The following ABCB1 variants were observed in gnomAD, a reference collection of about 807,000 sequenced individuals.
The protein encoded by ABCB1 is ATP-dependent translocase ABCB1.
ABCB1 carries 69 observed loss-of-function variants against 142.0 expected under a neutral mutation model. The ratio of observed to expected loss-of-function variants is 0.49; its 90% CI spans 0.40 to 0.59. The LOEUF (loss-of-function observed/expected upper bound fraction) is 0.59. Among genes scored for constraint, ABCB1 ranks in the 20% least tolerant of loss-of-function variants. The probability of loss-of-function intolerance (pLI) is 0.00; values close to 1 mark genes in which losing one functional copy is unlikely to be tolerated. For missense variants in ABCB1, 1,326 were observed against 1,554.7 expected (o/e 0.85, Z 2.47); for synonymous variants, 532 against 539.2 (o/e 0.99, Z 0.18).
chr7:87,587,949 T>A (rs1584904584), intron 3 of ABCB1, among the ~76,000 whole-genome samples: 1 of 54,722 alleles, frequency 1.8e-5, no homozygotes, highest in South Asian at 1.6e-3. Flanking sequence ...ACAATGTGCT[T>A]AAAAAAGACT....
intron 23 of ABCB1, among the ~76,000 whole-genome samples, chr7:87,517,414 C>T (rs1228184862): frequency 6.6e-6 from 1 of 152,100 alleles, no homozygotes; most frequent in Non-Finnish European, 1.5e-5. Flanking sequence ...CCAGGATAGC[C>T]TGCTGGAGGA....
At chr7:87,674,627 G>A (rs987544386) in intron 1 of ABCB1, among the ~76,000 whole-genome samples, 1 of 152,058 alleles carries the variant, frequency 6.6e-6, no homozygotes, top group African/African-American at 2.4e-5. Context: ...TAAGCTGTGG[G>A]TGGGCTAGCA....
At chr7:87,667,956 T>G in intron 1 of ABCB1, among the ~76,000 whole-genome samples, 1 of 152,110 alleles carries the variant, frequency 6.6e-6, no homozygotes, top group East Asian at 1.9e-4. Flanking sequence ...CTTTTTTTGT[T>G]GTGTCTCTTC....
chr7:87,572,717 A>G (rs752553749), intron 4 of ABCB1, among the ~76,000 whole-genome samples: 1 of 152,230 alleles, frequency 6.6e-6, no homozygotes, highest in Non-Finnish European at 1.5e-5. Context: ...CTATGCAGCC[A>G]TAAAAAAGAA....
At chr7:87,702,229 A>G (rs1829149177) in intron 1 of ABCB1, among the ~76,000 whole-genome samples, 1 of 151,104 alleles carries the variant, frequency 6.6e-6, no homozygotes, top group South Asian at 2.1e-4. Flanking sequence ...TTTCATAAAA[A>G]TGTGTTATTT....
intron 1 of ABCB1, among the ~76,000 whole-genome samples, chr7:87,646,387 G>A (rs1432172557): frequency 2.6e-5 from 4 of 152,086 alleles, no homozygotes; most frequent in Non-Finnish European, 4.4e-5. Flanking sequence ...GTTAAAGGTG[G>A]AAATTGAGTT....
intron 1 of ABCB1, among the ~76,000 whole-genome samples, chr7:87,668,985 T>G (rs1264803368): frequency 6.6e-6 from 1 of 152,144 alleles, no homozygotes; most frequent in Non-Finnish European, 1.5e-5. Context: ...TAGAGGTGTA[T>G]CCGAGCCTTT....
intron 1 of ABCB1, among the ~76,000 whole-genome samples, chr7:87,705,657 C>T (rs1192116137): frequency 6.6e-6 from 1 of 152,136 alleles, no homozygotes; most frequent in South Asian, 2.1e-4. Flanking sequence ...ACATAAATTA[C>T]TTAGGTTTCA....
At chr7:87,563,617 C>G (rs918889537) in intron 7 of ABCB1, among the ~76,000 whole-genome samples, 1 of 152,140 alleles carries the variant, frequency 6.6e-6, no homozygotes, top group African/African-American at 2.4e-5. Context: ...ATGATCAAAA[C>G]TCTCAACAAA....
intron 1 of ABCB1, among the ~76,000 whole-genome samples, chr7:87,700,874 G>A (rs1016801249): frequency 1.3e-5 from 2 of 152,150 alleles, no homozygotes; most frequent in Non-Finnish European, 2.9e-5. Flanking sequence ...ACACAATGGT[G>A]GATAAAACTG....
At chr7:87,684,528 C>G (rs1022807306) in intron 1 of ABCB1, among the ~76,000 whole-genome samples, 1 of 151,884 alleles carries the variant, frequency 6.6e-6, no homozygotes, top group South Asian at 2.1e-4. Flanking sequence ...GCAGGCGGAT[C>G]ATGAGGTCAA....
chr7:87,693,877 G>A (rs1235423658), intron 1 of ABCB1: 2 of 1,596,702 alleles, frequency 1.3e-6, no homozygotes, highest in Non-Finnish European at 1.7e-6. Context: ...TTAAATATCT[G>A]TGTGTTGTTG....
intron 1 of ABCB1, among the ~76,000 whole-genome samples, chr7:87,649,977 G>A (rs1823415770): frequency 6.6e-6 from 1 of 152,138 alleles, no homozygotes. Context: ...AGAACAGTGA[G>A]TCAATTAAAT....
At chr7:87,651,058 A>G (rs1228008072) in intron 1 of ABCB1, 2 of 626,278 alleles carry the variant, frequency 3.2e-6, no homozygotes, top group African/African-American at 1.9e-5. Flanking sequence ...TGAAATGTCA[A>G]ATCTTTTGGC....
intron 1 of ABCB1, chr7:87,693,833 T>C (rs1025488308): frequency 4.2e-6 from 6 of 1,429,020 alleles, no homozygotes; most frequent in East Asian, 2.3e-5. Context: ...GTTGGGCTAT[T>C]CAGTTTGGAA....
chr7:87,685,939 A>G (rs903544008), intron 1 of ABCB1, among the ~76,000 whole-genome samples: 128 of 152,326 alleles, frequency 8.4e-4, no homozygotes, highest in African/African-American at 2.9e-3. Context: ...AGAAAGCTGG[A>G]CAATTTGTCA....
At chr7:87,651,926 G>A (rs1238939459) in intron 1 of ABCB1, among the ~76,000 whole-genome samples, 1 of 151,904 alleles carries the variant, frequency 6.6e-6, no homozygotes, top group Non-Finnish European at 1.5e-5. Context: ...GTTAAATTTG[G>A]TTGTTTTGCA....
intron 1 of ABCB1, among the ~76,000 whole-genome samples, chr7:87,631,721 G>A (rs1821246345): frequency 1.3e-5 from 2 of 152,244 alleles, no homozygotes; most frequent in South Asian, 2.1e-4. Context: ...TCAAATCAGA[G>A]ATGATTTGAT....
chr7:87,660,151 G>A (rs1824539268), intron 1 of ABCB1, among the ~76,000 whole-genome samples: 1 of 151,964 alleles, frequency 6.6e-6, no homozygotes, highest in Non-Finnish European at 1.5e-5. Context: ...CATTCTTTGG[G>A]AGAATTTTGC....
Sources: allele counts gnomAD v4.1 joint callset (sites outside exome capture counted in the v4.1 genomes callset), GRCh38; gene constraint gnomAD v4.1.1; transcripts MANE v1.5; gene names NCBI Gene and HGNC (gene_info 2026-07-23, HGNC 2026-07-21).